Variants in PTPRT observed in about 807,000 individuals in gnomAD.
PTPRT encodes receptor-type tyrosine-protein phosphatase T.
Under a neutral mutation model 176.8 loss-of-function variants are expected in PTPRT, and 56 were observed. That is an observed-to-expected ratio of 0.32 (90% CI 0.26 to 0.40). The LOEUF is 0.40. PTPRT is among the 10% of genes least tolerant of loss of function. The pLI, the probability that PTPRT is intolerant of heterozygous loss-of-function variation, is 1.00. For synonymous variants in PTPRT, 783 were observed against 739.0 expected (o/e 1.06, Z -0.96); for missense variants, 1,540 against 1,908.2 (o/e 0.81, Z 3.60).
intron 13 of PTPRT, among the ~76,000 whole-genome samples, chr20:42,263,449 C>A (rs973369739): frequency 7.4e-6 from 1 of 134,592 alleles, no homozygotes; most frequent in African/African-American, 2.9e-5. Context: ...GGCATGATCT[C>A]GGCTCGCTGC....
downstream of PTPRT, chr20:42,072,677 G>A (rs1600441692): frequency 5.4e-6 from 1 of 185,732 alleles, no homozygotes; most frequent in East Asian, 8.7e-5. Flanking sequence ...AAACCTAGCT[G>A]ATAATTTTTT....
intron 9 of PTPRT, among the ~76,000 whole-genome samples, chr20:42,427,237 A>G (rs755261914): frequency 6.6e-6 from 1 of 152,184 alleles, no homozygotes; most frequent in Non-Finnish European, 1.5e-5. Flanking sequence ...GCAATACTTT[A>G]CTGAGGTTAA....
At chr20:42,906,130 C>G (rs554913172) in intron 1 of PTPRT, among the ~76,000 whole-genome samples, 1 of 152,064 alleles carries the variant, frequency 6.6e-6, no homozygotes, top group Non-Finnish European at 1.5e-5. Flanking sequence ...AGCTGCTGGA[C>G]GTCCAGAGGA....
intron 1 of PTPRT, among the ~76,000 whole-genome samples, chr20:43,011,880 A>G (rs1985144748): frequency 6.6e-6 from 1 of 152,138 alleles, no homozygotes; most frequent in Non-Finnish European, 1.5e-5. Context: ...GAAGGACTTG[A>G]CTTGCTGAGT....
At chr20:43,063,053 C>T (rs1987537466) in intron 1 of PTPRT, among the ~76,000 whole-genome samples, 1 of 151,972 alleles carries the variant, frequency 6.6e-6, no homozygotes, top group Non-Finnish European at 1.5e-5. Flanking sequence ...CTGTTCAGCT[C>T]TATTTAGGCT....
chr20:42,083,138 C>CAAA (rs1983522596), intron 29 of PTPRT, among the ~76,000 whole-genome samples: 1 of 44,012 alleles, frequency 2.3e-5, no homozygotes, highest in Admixed American at 2.1e-4. Flanking sequence ...AAAAAAAAAG[C>CAAA]AGGCTAAAAA....
At chr20:43,185,598 G>A (rs1029691824) in intron 1 of PTPRT, among the ~76,000 whole-genome samples, 1 of 152,130 alleles carries the variant, frequency 6.6e-6, no homozygotes, top group Non-Finnish European at 1.5e-5. Context: ...CAATCTCTTT[G>A]TAAAAGCAGT....
intron 1 of PTPRT, among the ~76,000 whole-genome samples, chr20:42,991,244 G>C (rs1349771704): frequency 6.6e-6 from 1 of 152,050 alleles, no homozygotes; most frequent in Non-Finnish European, 1.5e-5. Flanking sequence ...AATAATCATA[G>C]AGGCCAGCCA....
chr20:42,449,959 T>C (rs1555853636), intron 8 of PTPRT, among the ~76,000 whole-genome samples: 5 of 152,144 alleles, frequency 3.3e-5, no homozygotes, highest in Non-Finnish European at 7.4e-5. Context: ...TGCATATATA[T>C]ATTTTTTATT....
intron 7 of PTPRT, among the ~76,000 whole-genome samples, chr20:42,663,332 G>C (rs1600570071): frequency 6.6e-6 from 1 of 152,150 alleles, no homozygotes; most frequent in Non-Finnish European, 1.5e-5. Flanking sequence ...CTTGCCTGTT[G>C]AAAGGACTTT....
chr20:43,160,928 A>AAC (rs547253666), intron 1 of PTPRT, among the ~76,000 whole-genome samples: 29 of 151,754 alleles, frequency 1.9e-4, no homozygotes, highest in Non-Finnish European at 4.0e-4. Context: ...TTAAAAAAAA[A>AAC]AAAAACGTAG....
intron 1 of PTPRT, among the ~76,000 whole-genome samples, chr20:43,147,261 C>T (rs2014196263): frequency 1.3e-5 from 2 of 152,274 alleles, no homozygotes; most frequent in East Asian, 1.9e-4. Flanking sequence ...TGAAATGTGG[C>T]TCCCTCACTT....
At chr20:42,066,085 G>A in the PTPRT span, among the ~76,000 whole-genome samples, 1 of 147,648 alleles carries the variant, frequency 6.8e-6, no homozygotes, top group East Asian at 2.0e-4. Context: ...TGTTGCCCAG[G>A]CTGGAGTGCA....
At chr20:42,215,441 C>T (rs1185173732) in intron 15 of PTPRT, among the ~76,000 whole-genome samples, 1 of 152,194 alleles carries the variant, frequency 6.6e-6, no homozygotes, top group Admixed American at 6.5e-5. Context: ...TAAAGATATG[C>T]AACAAATGCT....
intron 1 of PTPRT, among the ~76,000 whole-genome samples, chr20:42,965,199 CAG>C (rs1272132926): frequency 2.0e-5 from 3 of 152,108 alleles, no homozygotes; most frequent in Admixed American, 6.6e-5. Flanking sequence ...CATATATAAA[CAG>C]AGGTGTGATT....
rs1037606855 is a variant in PTPRT at position 42,613,050 on chromosome 20, T to A, written c.1153+64816A>T. 4.6e-5 allele frequency among the ~76,000 whole-genome samples: 7 copies of A among 152,344 alleles called. No individual in the cohort carries two copies. In the East Asian group the frequency reaches 1.2e-3, roughly 25 times the overall value. Reference sequence around the variant, plus strand: ...GAGATTATCTGCTTTTTAAAAAGATTTTTATTTTCATGTATTTTCCACATT... The same window carrying A: ...GAGATTATCTGCTTTTTAAAAAGATATTTATTTTCATGTATTTTCCACATT... On this transcript the variant is annotated intron_variant, in intron 7 of 30. Coordinates refer to ENST00000373187, the MANE Select transcript of PTPRT (RefSeq NM_007050.6).
intron 1 of PTPRT, among the ~76,000 whole-genome samples, chr20:42,890,420 CTT>C (rs1265342340): frequency 3.9e-5 from 6 of 152,166 alleles, no homozygotes; most frequent in African/African-American, 1.4e-4. Context: ...GTTTCTGAGC[CTT>C]CATTTTCTGC....
In PTPRT at chr20:42,315,888, G is replaced by C. The variant is rs374933401; in HGVS notation, c.1974C>G (p.Leu658=). 1.7e-5 allele frequency: 28 copies of C among 1,614,130 alleles called. No individual in the cohort carries two copies. The highest frequency in any genetic ancestry group is 2.2e-5 in the East Asian group (1 of 44,880). ...VPVSYRNASS[L]DSLHYFAAEL... is the part of the protein sequence containing the mutation. ...CAGCAGCAAAGTAGTGTAGAGAATC[G>C]AGGCTGGAGGCATTCCGATAGCTCA... Residue 658 remains leucine, a synonymous_variant, in exon 12 of 31, where the codon CTC becomes CTG. Transcript: ENST00000373187.
intron 9 of PTPRT, among the ~76,000 whole-genome samples, chr20:42,386,756 G>A (rs567024694): frequency 6.6e-6 from 1 of 152,286 alleles, no homozygotes; most frequent in South Asian, 2.1e-4. Flanking sequence ...AGCTATTTGG[G>A]AGGCTGAGGC....
Sources: allele counts gnomAD v4.1 joint callset (sites outside exome capture counted in the v4.1 genomes callset), GRCh38; gene constraint gnomAD v4.1.1; transcripts MANE v1.5; gene names NCBI Gene and HGNC (gene_info 2026-07-23, HGNC 2026-07-21).